The following WNK2 variants were observed in gnomAD, a reference collection of about 807,000 sequenced individuals.
WNK2 encodes the protein serine/threonine-protein kinase WNK2.
A neutral mutation model predicts 192.1 loss-of-function variants in WNK2; 67 were observed. The ratio of observed to expected loss-of-function variants is 0.35; its 90% confidence interval spans 0.29 to 0.43. The LOEUF (loss-of-function observed/expected upper bound fraction) is 0.43, where lower values mean the gene tolerates loss of function less well. WNK2 is among the 20% of genes least tolerant of loss of function. The probability of loss-of-function intolerance (pLI) is 1.00; values close to 1 mark genes in which losing one functional copy is unlikely to be tolerated. For missense variants in WNK2, 2,698 were observed against 3,089.7 expected (o/e 0.87, Z 3.01); for synonymous variants, 1,439 against 1,393.9 (o/e 1.03, Z -0.72).
At chr9:93,198,702 C>G (rs1161149502) in intron 2 of WNK2, among the ~76,000 whole-genome samples, 1 of 152,220 alleles carries the variant, frequency 6.6e-6, no homozygotes, top group Non-Finnish European at 1.5e-5. Flanking sequence ...GTTTTTTATA[C>G]TCTTGGGCAT....
intron 2 of WNK2, among the ~76,000 whole-genome samples, chr9:93,213,827 T>C (rs1162659848): frequency 6.6e-6 from 1 of 152,194 alleles, no homozygotes; most frequent in East Asian, 1.9e-4. Context: ...TTAGTGGTTA[T>C]GCTGGAGATT....
rs779763458 is a variant in WNK2, at chr9:93,267,880, G to T, written c.3831G>T (p.Pro1277=). Residue 1277 remains proline, a synonymous_variant, in exon 17 of 30, where the codon CCG becomes CCT. Transcript: ENST00000427277. ...GTGGCTCCGACCCAGGGACCAGCCC[G>T]CCACACCTCAGCACCTGCGGCCTGG... is the stretch of plus-strand genomic sequence containing the variant. ...ADRGSDPGTS[P]PHLSTCGLGT... 8 of 1,612,586 alleles carry T rather than the reference G, an allele frequency of 5.0e-6. No individual in the cohort carries two copies. The highest frequency in any genetic ancestry group is 6.8e-6 in the Non-Finnish European group (8 of 1,179,544).
At chr9:93,244,484 A>T (rs1841339131) in intron 7 of WNK2, among the ~76,000 whole-genome samples, 2 of 152,136 alleles carry the variant, frequency 1.3e-5, no homozygotes, top group East Asian at 1.9e-4. Flanking sequence ...TAGAAGAAAC[A>T]CTTTAGAGAG....
intron 2 of WNK2, among the ~76,000 whole-genome samples, chr9:93,211,027 T>TATACATTCACTCACACATTCCCTCACTC (rs1834401819): frequency 1.6e-5 from 2 of 122,798 alleles, no homozygotes; most frequent in Non-Finnish European, 3.6e-5. Context: ...ATTCACTCAC[T>TATACATTCACTCACACATTCCCTCACTC]ATACATTCAC....
At chr9:93,224,929 T>TAAGTG (rs1837545597) in intron 2 of WNK2, among the ~76,000 whole-genome samples, 1 of 152,200 alleles carries the variant, frequency 6.6e-6, no homozygotes, top group Non-Finnish European at 1.5e-5. Flanking sequence ...TGAGCCTTCC[T>TAAGTG]AATAGGTTAA....
chr9:93,316,394 A>G (rs116634461), intron 28 of WNK2: 3 of 152,194 alleles, frequency 2.0e-5, no homozygotes, highest in Admixed American at 2.0e-4. Context: ...TATGAACAAC[A>G]TGAGCGTTCC....
rs150448917 is a variant in WNK2 at position 93,299,101 on chromosome 9, C to T, written c.5955C>T (p.Pro1985=). 51 of 1,611,034 alleles carry T rather than the reference C, an allele frequency of 3.2e-5. No homozygotes were observed. The Admixed American group carries it at 4.3e-4, about 14-fold the overall frequency. ...TGGCTGACTCCAGCAGAGGCCCTCC[C>T]GCTAAGGACCCTGCCCAAGCCAGTG... The part of the protein sequence containing the change: ...GHLADSSRGP[P]AKDPAQASVG... Residue 1985 remains proline (P), a synonymous_variant, in exon 25 of 30, where the codon CCC becomes CCT. Coordinates refer to ENST00000427277, the MANE Select transcript of WNK2 (RefSeq NM_006648.4).
intron 2 of WNK2, among the ~76,000 whole-genome samples, chr9:93,198,435 A>C (rs749289628): frequency 6.6e-6 from 1 of 152,190 alleles, no homozygotes; most frequent in Non-Finnish European, 1.5e-5. Flanking sequence ...CTCAGGCCTC[A>C]CAGGGAGCCC....
At chr9:93,308,804 A>G in intron 28 of WNK2, 4 of 1,402,746 alleles carry the variant, frequency 2.9e-6, no homozygotes, top group South Asian at 3.1e-5. Context: ...TGGAAAGGAC[A>G]GGCCAGGCCA....
At chr9:93,197,339 G>A (rs1021685048) in intron 2 of WNK2, among the ~76,000 whole-genome samples, 2 of 152,204 alleles carry the variant, frequency 1.3e-5, no homozygotes, top group African/African-American at 4.8e-5. Flanking sequence ...TCAGATGGGT[G>A]GACTGCACTT....
intron 15 of WNK2, 44 bp from the exon 16 acceptor site, chr9:93,263,873 C>A: frequency 2.0e-6 from 3 of 1,502,762 alleles, no homozygotes; most frequent in Non-Finnish European, 2.7e-6. Flanking sequence ...GGCGGGTGCA[C>A]GTGTGGGTAC....
intron 16 of WNK2, 141 bp downstream of exon 16, chr9:93,264,174 C>G (rs1236948693): frequency 1.1e-5 from 7 of 658,860 alleles, no homozygotes; most frequent in Non-Finnish European, 1.9e-5. Flanking sequence ...ACAGTGCTGA[C>G]CTTTTACGCC....
At chr9:93,277,202 TG>T (rs1418160531) in intron 19 of WNK2, among the ~76,000 whole-genome samples, 1 of 152,190 alleles carries the variant, frequency 6.6e-6, no homozygotes, top group Non-Finnish European at 1.5e-5. Flanking sequence ...CCTGTTAGAA[TG>T]ACTAGACTGA....
chr9:93,308,551 G>T lies in WNK2; in HGVS notation c.6483G>T (p.Gln2161His). The change falls in exon 28 of 30, where the codon CAG becomes CAT. Residue 2161 changes from glutamine (Q) to histidine (H), a missense_variant. Gln to His is a conservative substitution (Grantham distance 24). This residue lies in a region of WNK2 where 167 missense variants were observed against 184.2 expected (regional missense o/e 0.91). Coordinates refer to ENST00000427277, the MANE Select transcript of WNK2 (RefSeq NM_006648.4). ...AGAAGCTGCAAGACATGGAGGCCCA[G>T]GCAGGCTGGGCTGCCCCTGGCGAGG... ...QTQKLQDMEA[Q>H]AGWAAPGEAR... 1 of 1,600,834 alleles carries T rather than the reference G, an allele frequency of 6.2e-7. No individual in the cohort carries two copies. Among genetic ancestry groups the T allele is most frequent in the Non-Finnish European group, 8.5e-7 (1 of 1,174,608 alleles).
At chr9:93,187,326 C>T (rs1829526814) in intron 2 of WNK2, among the ~76,000 whole-genome samples, 1 of 152,150 alleles carries the variant, frequency 6.6e-6, no homozygotes, top group South Asian at 2.1e-4. Flanking sequence ...GGGTCTCTTG[C>T]TCCTTGACTC....
Position 93,277,127 on chromosome 9 carries a change from G to T in WNK2, c.4033+8381G>T, listed in dbSNP as rs576216651. Among the ~76,000 whole-genome samples the T allele has an allele frequency of 5.3e-5, 8 of 152,234 alleles. No homozygotes were observed. In the South Asian group the frequency reaches 1.7e-3, roughly 32 times the overall value. On this transcript the variant is annotated intron_variant, in intron 19 of 29. Coordinates refer to ENST00000427277, the MANE Select transcript of WNK2 (RefSeq NM_006648.4). The stretch of plus-strand genomic sequence containing the variant: ...ATGGTAATTAAGTACATGAAGAGTT[G>T]TTCAATATTATTGACTACTGGGGAA...
chr9:93,261,261 G>A (rs1844184790), intron 12 of WNK2, among the ~76,000 whole-genome samples: 1 of 152,212 alleles, frequency 6.6e-6, no homozygotes, highest in African/African-American at 2.4e-5. Flanking sequence ...CAAAATGGGG[G>A]CAGAAGACAG....
At chr9:93,272,945 CCAAA>C (rs1174795317) in intron 19 of WNK2, among the ~76,000 whole-genome samples, 1 of 151,904 alleles carries the variant, frequency 6.6e-6, no homozygotes, top group Admixed American at 6.6e-5. Context: ...AATTTAAAAA[CCAAA>C]CAACTTGAGC....
At chr9:93,305,897 G>A (rs958557468) in intron 26 of WNK2, among the ~76,000 whole-genome samples, 1 of 152,074 alleles carries the variant, frequency 6.6e-6, no homozygotes, top group East Asian at 1.9e-4. Context: ...GTGACCTTGG[G>A]GAAGTCTGAG....
Sources: gnomAD v4.1 joint callset for allele counts (sites outside exome capture counted in the v4.1 genomes callset) on GRCh38, gnomAD v4.1.1 for gene constraint, gnomAD v4.1.1 regional missense constraint, MANE v1.5 for transcripts, NCBI Gene and HGNC (gene_info 2026-07-23, HGNC 2026-07-21) for gene names.